The following PTPRT variants were observed in gnomAD, a reference collection of about 807,000 sequenced individuals.
PTPRT encodes receptor-type tyrosine-protein phosphatase T.
PTPRT carries 56 observed loss-of-function variants against 176.8 expected under a neutral mutation model. The observed-to-expected ratio is 0.32, with a 90% CI of 0.26 to 0.40. The LOEUF (loss-of-function observed/expected upper bound fraction) is 0.40, where lower values mean the gene tolerates loss of function less well. PTPRT is among the 10% of genes least tolerant of loss of function. The probability of loss-of-function intolerance (pLI) is 1.00; values close to 1 mark genes in which losing one functional copy is unlikely to be tolerated. For synonymous variants in PTPRT, 783 were observed against 739.0 expected, an observed-to-expected ratio of 1.06 and a Z score of -0.96; for missense variants, 1,540 against 1,908.2, an observed-to-expected ratio of 0.81 and a Z score of 3.60.
At chr20:42,034,768 G>A in the PTPRT span, among the ~76,000 whole-genome samples, 1 of 152,170 alleles carries the variant, frequency 6.6e-6, no homozygotes, top group Admixed American at 6.5e-5. Flanking sequence ...TTTTTGTTAT[G>A]CTGACACATT....
At chr20:42,473,861 G>T (rs1036584413) in intron 7 of PTPRT, among the ~76,000 whole-genome samples, 1 of 152,132 alleles carries the variant, frequency 6.6e-6, no homozygotes, top group Non-Finnish European at 1.5e-5. Context: ...TTTCTTATCT[G>T]GGAGGAGTCA....
intron 7 of PTPRT, among the ~76,000 whole-genome samples, chr20:42,614,075 T>C (rs552972585): frequency 6.6e-6 from 1 of 152,076 alleles, no homozygotes; most frequent in Non-Finnish European, 1.5e-5. Flanking sequence ...GCAGGGTGGA[T>C]TCCTTTGAAG....
intron 7 of PTPRT, among the ~76,000 whole-genome samples, chr20:42,608,413 A>T (rs935568411): frequency 6.6e-6 from 1 of 152,180 alleles, no homozygotes; most frequent in Non-Finnish European, 1.5e-5. Flanking sequence ...AAAAGCACCA[A>T]AATCCCTCCA....
At chr20:42,864,365 T>C (rs1037833401) in intron 2 of PTPRT, among the ~76,000 whole-genome samples, 7 of 152,036 alleles carry the variant, frequency 4.6e-5, no homozygotes, top group Non-Finnish European at 8.8e-5. Flanking sequence ...AGGAGAGGGA[T>C]GGCAGGCCTA....
At chr20:42,881,012 T>A (rs1408215826) in intron 2 of PTPRT, among the ~76,000 whole-genome samples, 1 of 152,218 alleles carries the variant, frequency 6.6e-6, no homozygotes, top group Non-Finnish European at 1.5e-5. Flanking sequence ...GGACCCACAG[T>A]AGAACACCTG....
At chr20:42,777,982 T>A (rs1438186865) in intron 4 of PTPRT, among the ~76,000 whole-genome samples, 1 of 152,132 alleles carries the variant, frequency 6.6e-6, no homozygotes, top group African/African-American at 2.4e-5. Flanking sequence ...TATGCAGACA[T>A]AAAGCCAGGA....
At chr20:43,091,143 G>A (rs2011830918) in intron 1 of PTPRT, among the ~76,000 whole-genome samples, 1 of 152,092 alleles carries the variant, frequency 6.6e-6, no homozygotes, top group Admixed American at 6.5e-5. Flanking sequence ...TGAGACAGGA[G>A]AATCGCTTGA....
chr20:42,800,286 G>A (rs2145581846), intron 2 of PTPRT, among the ~76,000 whole-genome samples: 1 of 152,272 alleles, frequency 6.6e-6, no homozygotes, highest in East Asian at 1.9e-4. Flanking sequence ...CACCACATGT[G>A]GGCACGTTGT....
intron 11 of PTPRT, among the ~76,000 whole-genome samples, chr20:42,330,034 C>G (rs1228823747): frequency 6.6e-6 from 1 of 152,206 alleles, no homozygotes; most frequent in Non-Finnish European, 1.5e-5. Context: ...CTCTACCCAG[C>G]TGGGCATTGT....
chr20:42,816,006 A>T (rs995180905), intron 2 of PTPRT, among the ~76,000 whole-genome samples: 3 of 152,148 alleles, frequency 2.0e-5, no homozygotes, highest in African/African-American at 7.2e-5. Flanking sequence ...GAACATCTAC[A>T]AAAATGAGTC....
At chr20:42,808,317 A>G (rs759672189) in intron 2 of PTPRT, among the ~76,000 whole-genome samples, 1 of 152,124 alleles carries the variant, frequency 6.6e-6, no homozygotes, top group Non-Finnish European at 1.5e-5. Flanking sequence ...AACAGTGACA[A>G]TGGGTCTGGG....
intron 1 of PTPRT, among the ~76,000 whole-genome samples, chr20:43,117,118 C>T (rs144472814): frequency 4.6e-5 from 7 of 152,142 alleles, no homozygotes; most frequent in African/African-American, 9.6e-5. Flanking sequence ...CAGAGACATG[C>T]GCTGCTTCTT....
Position 42,617,744 on chromosome 20 carries a change from T to A in PTPRT, c.1153+60122A>T, listed in dbSNP as rs1370505027. Among the ~76,000 whole-genome samples the A allele has an allele frequency of 3.6e-5, 5 of 139,630 alleles. 1 individual carries two copies. The highest frequency in any genetic ancestry group is 7.6e-5 in the Non-Finnish European group (5 of 66,120). The allele number at this position is 139,630 out of a possible 152,430, so 91.6% of individuals were successfully genotyped here. Reference sequence around the variant, plus strand: ...ATTTGCGTAGAGGTGTTTGTAGTACTCTCTGATAGTAGTTTGTATTTCTGT... The same window carrying A: ...ATTTGCGTAGAGGTGTTTGTAGTACACTCTGATAGTAGTTTGTATTTCTGT... On this transcript the variant is annotated intron_variant, in intron 7 of 30. Transcript: ENST00000373187.
intron 6 of PTPRT, among the ~76,000 whole-genome samples, chr20:42,737,433 C>G (rs913954634): frequency 1.3e-5 from 2 of 152,152 alleles, no homozygotes; most frequent in African/African-American, 4.8e-5. Context: ...GAGTCCAAGA[C>G]CAGCCTGGTC....
At chr20:42,776,974 C>T (rs2077146535) in intron 4 of PTPRT, among the ~76,000 whole-genome samples, 1 of 151,992 alleles carries the variant, frequency 6.6e-6, no homozygotes, top group African/African-American at 2.4e-5. Context: ...CTGTCTTTCT[C>T]ACTCCCACAA....
intron 1 of PTPRT, among the ~76,000 whole-genome samples, chr20:43,074,984 C>T (rs1437086387): frequency 1.3e-5 from 2 of 152,202 alleles, no homozygotes; most frequent in East Asian, 3.8e-4. Flanking sequence ...TCATTCTGCC[C>T]CTTCCCAGAG....
At chr20:42,332,067 G>T (rs369078112) in intron 11 of PTPRT, among the ~76,000 whole-genome samples, 1 of 152,028 alleles carries the variant, frequency 6.6e-6, no homozygotes, top group Non-Finnish European at 1.5e-5. Context: ...GAAGGTCCTC[G>T]ATGAAGCAGT....
intron 7 of PTPRT, among the ~76,000 whole-genome samples, chr20:42,671,311 G>A (rs994965404): frequency 5.3e-5 from 8 of 152,188 alleles, no homozygotes; most frequent in African/African-American, 1.7e-4. Context: ...GTCACCACCC[G>A]AGATCTCCAG....
intron 7 of PTPRT, among the ~76,000 whole-genome samples, chr20:42,511,457 T>C (rs1269090264): frequency 3.3e-5 from 5 of 151,304 alleles, no homozygotes; most frequent in Non-Finnish European, 5.9e-5. Flanking sequence ...TATTTGGAGT[T>C]GATTGAAGGC....
Sources: allele counts gnomAD v4.1 joint callset (sites outside exome capture counted in the v4.1 genomes callset), GRCh38; gene constraint gnomAD v4.1.1; transcripts MANE v1.5; gene names NCBI Gene and HGNC (gene_info 2026-07-23, HGNC 2026-07-21).